Variants in TSPAN31 observed in about 807,000 individuals in gnomAD.
TSPAN31 encodes tetraspanin-31.
In TSPAN31, 16 loss-of-function variants were observed where a neutral mutation model predicts 24.8. That is an observed-to-expected ratio of 0.64 (90% confidence interval 0.44 to 0.98). TSPAN31 has a LOEUF of 0.98. Ranked by LOEUF, TSPAN31 falls within the 50% of genes least tolerant of loss-of-function variation. TSPAN31 has a pLI of 0.00. For missense variants in TSPAN31, 209 were observed against 251.6 expected (o/e 0.83, Z 1.15); for synonymous variants, 87 against 91.4 (o/e 0.95, Z 0.27).
chr12:57,748,328 G>A lies in TSPAN31; in HGVS notation c.*1038G>A, dbSNP rs1241728307. 1 of 640,474 alleles carries A rather than the reference G, an allele frequency of 1.6e-6. No homozygotes were observed. The highest frequency in any genetic ancestry group is 1.6e-5 in the South Asian group (1 of 61,244). 39.7% of individuals were successfully genotyped at this position (640,474 alleles called of 1,614,324 possible). On this transcript the variant is annotated 3_prime_UTR_variant, in exon 6 of 6. Coordinates refer to ENST00000257910, the MANE Select transcript of TSPAN31 (RefSeq NM_005981.5). Reference sequence around the variant, plus strand: ...GACAAGAGGGAACATACCCCTTAGTGTAGAGAAATGGGAAGGAGAAGGAGA... The same window carrying A: ...GACAAGAGGGAACATACCCCTTAGTATAGAGAAATGGGAAGGAGAAGGAGA...
In TSPAN31 at chr12:57,747,454, T is replaced by C. The variant is rs535880506; in HGVS notation, c.*164T>C. The C allele has an allele frequency of 6.4e-6, 4 of 622,092 alleles. No homozygotes were observed. The highest frequency in any genetic ancestry group is 1.1e-5 in the Non-Finnish European group (4 of 359,316). The allele number at this position is 622,092 out of a possible 1,614,324, so 38.5% of individuals were successfully genotyped here. ...AGCAAGACTTTATGCCTTGACATAT[T>C]TTAGTGGGAGCCAGACTATAAGGAA... On this transcript the variant is annotated 3_prime_UTR_variant, in exon 6 of 6. Transcript: ENST00000257910.
chr12:57,746,096 A>G (rs927343653), intron 2 of TSPAN31, 80 bp from the exon 3 acceptor site: 1 of 1,467,140 alleles, frequency 6.8e-7, no homozygotes, highest in Non-Finnish European at 9.5e-7. Context: ...TGTAAGTTCT[A>G]TGAACAGATG....
chr12:57,749,994 T>G lies in TSPAN31; in HGVS notation c.*2704T>G. On this transcript the variant is annotated 3_prime_UTR_variant, in exon 6 of 6. Transcript: ENST00000257910. Reference sequence around the variant, plus strand: ...CCTGGCGACAGAGCAAGACTCCATCTAAAAAAAAAAAAAGCCAGTCATGGT... The same window carrying G: ...CCTGGCGACAGAGCAAGACTCCATCGAAAAAAAAAAAAAGCCAGTCATGGT... The G allele has an allele frequency of 7.8e-6, 1 of 128,314 alleles. No individual in the cohort carries two copies. The highest frequency in any genetic ancestry group is 1.6e-5 in the Non-Finnish European group (1 of 61,884). The allele number at this position is 128,314 out of a possible 1,614,324, so 7.9% of individuals were successfully genotyped here.
Position 57,749,662 on chromosome 12 carries a change from T to C in TSPAN31, c.*2372T>C, listed in dbSNP as rs3211620. Reference sequence around the variant, plus strand: ...TGAGAGGACTGCTTGAGCCCAGGAGTTCTAGATCAGCCTGGGCAAGCAAGA... The same window carrying C: ...TGAGAGGACTGCTTGAGCCCAGGAGCTCTAGATCAGCCTGGGCAAGCAAGA... On this transcript the variant is annotated 3_prime_UTR_variant, in exon 6 of 6. Coordinates refer to ENST00000257910, the MANE Select transcript of TSPAN31 (RefSeq NM_005981.5). 7,857 of 732,070 alleles carry C rather than the reference T, an allele frequency of 0.011. 70 individuals are homozygous for C. The highest frequency in any genetic ancestry group is 0.015 in the Non-Finnish European group (5,987 of 409,878). 45.3% of individuals were successfully genotyped at this position (732,070 alleles called of 1,614,324 possible).
Position 57,745,124 on chromosome 12 carries a change from TG to T in TSPAN31, c.-28del, listed in dbSNP as rs1565802763. On this transcript the variant is annotated 5_prime_UTR_variant, in exon 1 of 6. Transcript: ENST00000257910. ...CCCCAATACCCTCCCCCCAAGTCCT[TG>T]GGACCACTTGGGTCCCCAGAGCTGG... 2 of 1,579,480 alleles carry T rather than the reference TG, an allele frequency of 1.3e-6. No individual in the cohort carries two copies. Among genetic ancestry groups the T allele is most frequent in the South Asian group, 2.3e-5 (2 of 86,802 alleles).
Position 57,746,207 on chromosome 12 carries a change from T to C in TSPAN31, c.263T>C (p.Phe88Ser). 6.2e-7 allele frequency: 1 copy of C among 1,614,178 alleles called. No homozygotes were observed. The highest frequency in any genetic ancestry group is 2.2e-5 in the East Asian group (1 of 44,882). Residue 88 changes from phenylalanine (F) to serine (S), a missense_variant, in exon 3 of 6, where the codon TTC becomes TCC. By Grantham distance (155) the Phe-to-Ser change is radical (BLOSUM62 -2). Transcript: ENST00000257910. Reference protein sequence around the residue: ...YMIILGLVFIFQFVISCSCLA... With the variant: ...YMIILGLVFISQFVISCSCLA... The stretch of plus-strand genomic sequence containing the variant: ...ATCATCCTTGGTTTGGTCTTCATCT[T>C]CCAATTTGTAATCTCTTGCTCATGT...
rs2140383373 is a variant in TSPAN31, at chr12:57,749,358, G to C, written c.*2068G>C. 5.0e-6 allele frequency: 8 copies of C among 1,614,036 alleles called. No individual in the cohort carries two copies. Among genetic ancestry groups the C allele is most frequent in the Non-Finnish European group, 6.8e-6 (8 of 1,179,870 alleles). On this transcript the variant is annotated 3_prime_UTR_variant, in exon 6 of 6. Coordinates refer to ENST00000257910, the MANE Select transcript of TSPAN31 (RefSeq NM_005981.5). ...GAACTCTGGTCAGGAGGGTCCTCCA[G>C]TTCCCATCCCCATGGGCAGAGCCAG...
chr12:57,749,038 G>C lies in TSPAN31; in HGVS notation c.*1748G>C. 2 of 1,035,032 alleles carry C rather than the reference G, an allele frequency of 1.9e-6. No individual in the cohort carries two copies. Among genetic ancestry groups the C allele is most frequent in the South Asian group, 1.3e-5 (1 of 75,344 alleles). The allele number at this position is 1,035,032 out of a possible 1,614,324, so 64.1% of individuals were successfully genotyped here. On this transcript the variant is annotated 3_prime_UTR_variant, in exon 6 of 6. Coordinates refer to ENST00000257910, the MANE Select transcript of TSPAN31 (RefSeq NM_005981.5). Reference sequence around the variant, plus strand: ...GTTCTCTTCTATATCCTTCTCTGTGGGTGGCTATTTGCAGCTGTAATAAAA... The same window carrying C: ...GTTCTCTTCTATATCCTTCTCTGTGCGTGGCTATTTGCAGCTGTAATAAAA...
rs1193246679 is a variant in TSPAN31 at position 57,749,456 on chromosome 12, A to C, written c.*2166A>C. 1.2e-6 allele frequency: 2 copies of C among 1,614,106 alleles called. No individual in the cohort carries two copies. The highest frequency in any genetic ancestry group is 1.7e-6 in the Non-Finnish European group (2 of 1,180,028). On this transcript the variant is annotated 3_prime_UTR_variant, in exon 6 of 6. Transcript: ENST00000257910. Reference sequence around the variant, plus strand: ...TTTCTCCCATGTTGGTCACTTACTCAAAGATTTTGCCCAACTGGTCGGCTT... The same window carrying C: ...TTTCTCCCATGTTGGTCACTTACTCCAAGATTTTGCCCAACTGGTCGGCTT...
chr12:57,745,257 G>T, intron 1 of TSPAN31, 40 bp downstream of exon 1: 4 of 1,592,636 alleles, frequency 2.5e-6, no homozygotes, highest in African/African-American at 1.3e-5. Flanking sequence ...AGGCGGAAAG[G>T]CCCCGTGGGG....
At chr12:57,746,824 T>C in intron 4 of TSPAN31, 104 bp downstream of exon 4, 1 of 1,539,746 alleles carries the variant, frequency 6.5e-7, no homozygotes, top group Non-Finnish European at 8.9e-7. Context: ...TTTCTCTCTC[T>C]ACAAGCCCTC....
In TSPAN31 at chr12:57,746,049, AAG is replaced by A. The variant is rs1198170209; in HGVS notation, c.232-124_232-123del. On this transcript the variant is annotated intron_variant, in intron 2 of 5. Transcript: ENST00000257910. ...TGCCCTGTCCCATAATCTACGAAAC[AAG>A]AGCTGATTTTATTGCTTTCAATTTG... 5 of 1,448,940 alleles carry A rather than the reference AAG, an allele frequency of 3.5e-6. No homozygotes were observed. The African/African-American group carries it at 7.1e-5, about 20-fold the overall frequency. 89.8% of individuals were successfully genotyped at this position (1,448,940 alleles called of 1,614,324 possible).
At position 57,747,324 on chromosome 12, in the gene TSPAN31, C is replaced by T. The variant is rs1287821518; in HGVS notation, c.*34C>T. On this transcript the variant is annotated 3_prime_UTR_variant, in exon 6 of 6. Transcript: ENST00000257910. ...ATCCTTCTGACTTTTCTTCTGCTCT[C>T]TCTAAGCTTTCTCTTCCTCCCTTAG... 1 of 1,596,316 alleles carries T rather than the reference C, an allele frequency of 6.3e-7. No homozygotes were observed. The highest frequency in any genetic ancestry group is 1.3e-5 in the African/African-American group (1 of 74,560).
At chr12:57,746,924 G>A (rs773836726) in intron 4 of TSPAN31, 94 bp from the exon 5 acceptor site, 79 of 1,383,010 alleles carry the variant, frequency 5.7e-5, no homozygotes, top group Non-Finnish European at 7.6e-5. Context: ...ACACTGGTCA[G>A]ATAACAGTAA....
In TSPAN31 at chr12:57,749,103, TGGCCAG is replaced by T; in HGVS notation, c.*1818_*1823del. 1 of 1,563,606 alleles carries T rather than the reference TGGCCAG, an allele frequency of 6.4e-7. No individual in the cohort carries two copies. The highest frequency in any genetic ancestry group is 8.8e-7 in the Non-Finnish European group (1 of 1,134,174). ...ACCAACCAAGTTTCATTAACCACAG[TGGCCAG>T]GGCCCTGCATACTGCTCTATTTCTT... On this transcript the variant is annotated 3_prime_UTR_variant, in exon 6 of 6. Transcript: ENST00000257910.
At chr12:57,746,383 G>A (rs777953691) in intron 3 of TSPAN31, 127 bp downstream of exon 3, 4 of 1,145,412 alleles carry the variant, frequency 3.5e-6, no homozygotes, top group Non-Finnish European at 5.3e-6. Context: ...TGGCCTCTTG[G>A]GCTATTTGCT....
In TSPAN31 at chr12:57,747,115, T is replaced by C; in HGVS notation, c.542T>C (p.Phe181Ser). 1 of 1,614,162 alleles carries C rather than the reference T, an allele frequency of 6.2e-7. No homozygotes were observed. ...ALKILGGVGL[F>S]FSFTEILGVW... Reference sequence around the variant, plus strand: ...AAAATCCTAGGGGGTGTTGGACTCTTCTTTAGCTTTACAGAGGTAACATTC... The same window carrying C: ...AAAATCCTAGGGGGTGTTGGACTCTCCTTTAGCTTTACAGAGGTAACATTC... Residue 181 changes from phenylalanine (F) to serine (S), a missense_variant, in exon 5 of 6, where the codon TTC (phenylalanine) becomes TCC (serine). Phe to Ser is a radical substitution (Grantham distance 155). Transcript: ENST00000257910.
rs755982167 is a variant in TSPAN31 at position 57,749,155 on chromosome 12, C to G, written c.*1865C>G. 2.5e-6 allele frequency: 4 copies of G among 1,613,844 alleles called. No individual in the cohort carries two copies. Among genetic ancestry groups the G allele is most frequent in the Non-Finnish European group, 3.4e-6 (4 of 1,179,796 alleles). The stretch of plus-strand genomic sequence containing the variant: ...TTCTTTCCCCAGTCTCTATTTCTTT[C>G]CCTGTGCCCACAGCCATCTCCAGTA... On this transcript the variant is annotated 3_prime_UTR_variant, in exon 6 of 6. Transcript: ENST00000257910.
At chr12:57,745,390 G>T in intron 1 of TSPAN31, 173 bp downstream of exon 1, 1 of 692,982 alleles carries the variant, frequency 1.4e-6, no homozygotes, top group Non-Finnish European at 2.4e-6. Flanking sequence ...ACTTCCGGTT[G>T]ATTAAGGGGG....
Sources: allele counts gnomAD v4.1 joint callset, GRCh38; gene constraint gnomAD v4.1.1; transcripts MANE v1.5; gene names NCBI Gene and HGNC (gene_info 2026-07-23, HGNC 2026-07-21).